Variants in KMT2C observed in about 807,000 individuals in gnomAD.
The protein encoded by KMT2C is lysine methyltransferase 2C.
Under a neutral mutation model 507.9 loss-of-function variants are expected in KMT2C, and 88 were observed. The ratio of observed to expected loss-of-function variants is 0.17; its 90% CI spans 0.15 to 0.21. The LOEUF (loss-of-function observed/expected upper bound fraction) is 0.21. Ranked by LOEUF, KMT2C falls within the 10% of genes least tolerant of loss-of-function variation. The pLI is 1.00. For synonymous variants in KMT2C, 2,049 were observed against 2,080.8 expected, an observed-to-expected ratio of 0.98 and a Z score of 0.42; for missense variants, 4,954 against 5,957.8, an observed-to-expected ratio of 0.83 and a Z score of 5.55.
At chr7:152,265,568 T>C (rs2095847464) in intron 7 of KMT2C, among the ~76,000 whole-genome samples, 1 of 152,190 alleles carries the variant, frequency 6.6e-6, no homozygotes, top group South Asian at 2.1e-4. Flanking sequence ...AAAATACAAA[T>C]TAAGAAATGC....
In KMT2C at chr7:152,297,057, G is replaced by GACAGAA. The variant is rs756980169; in HGVS notation, c.849+12908_849+12909insTTCTGT. Among the ~76,000 whole-genome samples, 56 of 90,748 alleles carry GACAGAA rather than the reference G, an allele frequency of 6.2e-4. 1 individual carries two copies. Among genetic ancestry groups the GACAGAA allele is most frequent in the African/African-American group, 2.6e-3 (55 of 20,944 alleles). The allele number at this position is 90,748 out of a possible 152,430, so 59.5% of individuals were successfully genotyped here. The stretch of plus-strand genomic sequence containing the variant: ...AGAAAGAAAGAAAGAAAGAAAGACA[G>GACAGAA]AGAGAGAGAGAGAGAGAGAGAGAGA... On this transcript the variant is annotated intron_variant, in intron 6 of 58. Transcript: ENST00000262189.
chr7:152,164,382 C>T (rs1228215051), intron 42 of KMT2C, among the ~76,000 whole-genome samples: 3 of 151,628 alleles, frequency 2.0e-5, no homozygotes, highest in East Asian at 3.9e-4. Context: ...CTCCGCCTCC[C>T]GGGTTCACGC....
chr7:152,251,858 G>T lies in KMT2C; in HGVS notation c.1621+81C>A, dbSNP rs2095567472. 7.3e-6 allele frequency: 7 copies of T among 954,688 alleles called. No homozygotes were observed. The South Asian group carries it at 1.5e-4, about 21-fold the overall frequency. The allele number at this position is 954,688 out of a possible 1,614,324, so 59.1% of individuals were successfully genotyped here. On this transcript the variant is annotated intron_variant, in intron 11 of 58. Coordinates refer to ENST00000262189, the MANE Select transcript of KMT2C (RefSeq NM_170606.3). ...CTGGAATACAGGATCCTCTCTTCCT[G>T]ATTAAAGCAATATATTGGTGATACA...
intron 1 of KMT2C, among the ~76,000 whole-genome samples, chr7:152,364,715 CA>C (rs969097126): frequency 4.6e-4 from 69 of 149,066 alleles, no homozygotes; most frequent in Middle Eastern, 3.4e-3. Context: ...AAAGACATAA[CA>C]AAAAAAAATC....
intron 2 of KMT2C, among the ~76,000 whole-genome samples, chr7:152,347,110 A>G (rs1045742813): frequency 2.6e-5 from 4 of 152,164 alleles, no homozygotes; most frequent in African/African-American, 9.7e-5. Context: ...GGAGACAAGG[A>G]AAAGGAAAAG....
Position 152,163,331 on chromosome 7 carries a change from T to C in KMT2C, c.10246A>G (p.Met3416Val). The change falls in exon 43 of 59, where the codon ATG becomes GTG. Residue 3416 changes from methionine to valine, a missense_variant. By Grantham distance (21) the Met-to-Val change is conservative. Transcript: ENST00000262189. ...GCTCTTTGTCTATCTACCTCCTGCA[T>C]GAGTTGGATCCGTTGTCTCTCTTGC... ...EQQERQRIQL[M>V]QEVDRQRALQ... 2 of 1,614,204 alleles carry C rather than the reference T, an allele frequency of 1.2e-6. No homozygotes were observed. The highest frequency in any genetic ancestry group is 4.5e-5 in the East Asian group (2 of 44,886).
Position 152,404,913 on chromosome 7 carries a change from C to T in KMT2C, c.161+30713G>A, listed in dbSNP as rs1404572505. On this transcript the variant is annotated intron_variant, in intron 1 of 58. Transcript: ENST00000262189. ...TTGCCCAGTTTGGAGTACAGTGGCA[C>T]AATCTCAGCTCACTGCAACCTCTGC... Among the ~76,000 whole-genome samples, 10 of 150,004 alleles carry T rather than the reference C, an allele frequency of 6.7e-5. No individual in the cohort carries two copies. The East Asian group carries it at 1.2e-3, about 19-fold the overall frequency.
intron 1 of KMT2C, chr7:152,368,772 T>C: frequency 2.6e-6 from 2 of 773,142 alleles, no homozygotes; most frequent in Non-Finnish European, 4.2e-6. Context: ...TAATGATGGA[T>C]TTAACAGCGT....
chr7:152,158,576 C>A (rs561369678), intron 44 of KMT2C, among the ~76,000 whole-genome samples: 1 of 151,172 alleles, frequency 6.6e-6, no homozygotes, highest in South Asian at 2.1e-4. Flanking sequence ...AGTGCAGTGG[C>A]ACAATCTCGG....
intron 1 of KMT2C, among the ~76,000 whole-genome samples, chr7:152,372,194 C>T (rs1481322297): frequency 1.3e-5 from 2 of 152,136 alleles, no homozygotes; most frequent in Admixed American, 1.3e-4. Flanking sequence ...CTCACTCTGT[C>T]GCCCAGACTG....
chr7:152,261,420 A>C (rs2095773817), intron 9 of KMT2C, among the ~76,000 whole-genome samples: 1 of 152,224 alleles, frequency 6.6e-6, no homozygotes, highest in Admixed American at 6.5e-5. Flanking sequence ...AAGTCAAAAA[A>C]TAAGGTAAAA....
At chr7:152,384,539 A>G (rs200146683) in intron 1 of KMT2C, among the ~76,000 whole-genome samples, 2 of 13,496 alleles carry the variant, frequency 1.5e-4, no homozygotes, top group Admixed American at 5.6e-4. Flanking sequence ...ATTATCCCCC[A>G]TGTGCATAAC....
intron 6 of KMT2C, among the ~76,000 whole-genome samples, chr7:152,299,870 A>T (rs1451088197): frequency 6.6e-6 from 1 of 152,044 alleles, no homozygotes; most frequent in East Asian, 1.9e-4. Context: ...CAAAGATGCA[A>T]ACAGGTTAAA....
At chr7:152,387,061 G>GC (rs2097435483) in intron 1 of KMT2C, among the ~76,000 whole-genome samples, 1 of 152,056 alleles carries the variant, frequency 6.6e-6, no homozygotes, top group Non-Finnish European at 1.5e-5. Context: ...ATAAATAGGA[G>GC]CCCAAAATGT....
At chr7:152,296,525 A>G (rs890988090) in intron 6 of KMT2C, among the ~76,000 whole-genome samples, 1 of 152,022 alleles carries the variant, frequency 6.6e-6, no homozygotes, top group Non-Finnish European at 1.5e-5. Flanking sequence ...ACATAATAAT[A>G]AAAAGGTTCC....
At chr7:152,316,443 A>T (rs2096723741) in intron 3 of KMT2C, among the ~76,000 whole-genome samples, 1 of 149,384 alleles carries the variant, frequency 6.7e-6, no homozygotes, top group Non-Finnish European at 1.5e-5. Context: ...TTAAGAGACA[A>T]CAATCAATAT....
chr7:152,171,380 G>C, intron 39 of KMT2C, 38 bp from the exon 40 acceptor site: 1 of 1,327,240 alleles, frequency 7.5e-7, no homozygotes, highest in Non-Finnish European at 1.0e-6. Flanking sequence ...AGTGATGAGC[G>C]TTTAGAAATT....
rs879375465 is a variant in KMT2C at position 152,210,539 on chromosome 7, GT to G, written c.3713-3112del. Among the ~76,000 whole-genome samples, 632 of 145,048 alleles carry G rather than the reference GT, an allele frequency of 4.4e-3. 3 individuals carry two copies. Among genetic ancestry groups the G allele is most frequent in the African/African-American group, 0.013 (529 of 39,916 alleles). ...TAAAACATTATGAGACTTTTTATGA[GT>G]TTTTTTTTTTTTAAAAAAGCTCATC... On this transcript the variant is annotated intron_variant, in intron 23 of 58. Coordinates refer to ENST00000262189, the MANE Select transcript of KMT2C (RefSeq NM_170606.3).
intron 1 of KMT2C, among the ~76,000 whole-genome samples, chr7:152,410,609 T>TTA (rs1337664141): frequency 6.8e-6 from 1 of 147,304 alleles, no homozygotes; most frequent in Non-Finnish European, 1.5e-5. Flanking sequence ...AAGTTTTAAT[T>TTA]TATATATATT....
Sources: gnomAD v4.1 joint callset for allele counts (sites outside exome capture counted in the v4.1 genomes callset) on GRCh38, gnomAD v4.1.1 for gene constraint, MANE v1.5 for transcripts, NCBI Gene and HGNC (gene_info 2026-07-23, HGNC 2026-07-21) for gene names.